Variants in ECM2 observed in about 807,000 individuals in gnomAD.
ECM2 encodes the protein extracellular matrix protein 2, female organ and adipocyte specific.
ECM2 carries 57 observed loss-of-function variants against 67.5 expected under a neutral mutation model. The observed-to-expected ratio is 0.84, with a 90% CI of 0.68 to 1.05. ECM2 has a LOEUF of 1.05. Ranked by LOEUF, ECM2 falls within the 50% of genes least tolerant of loss-of-function variation. The pLI is 0.00. For synonymous variants in ECM2, 258 were observed against 294.5 expected, an observed-to-expected ratio of 0.88 and a Z score of 1.27; for missense variants, 741 against 822.8, an observed-to-expected ratio of 0.90 and a Z score of 1.22.
the ECM2 span, among the ~76,000 whole-genome samples, chr9:92,551,977 G>A: frequency 0.015 from 941 of 61,620 alleles, 66 homozygotes; most frequent in African/African-American, 0.14. Flanking sequence ...TGATATATAT[G>A]TGTGTGTATA....
rs775521249 is a variant in ECM2 at position 92,500,925 on chromosome 9, T to C, written c.1733A>G (p.His578Arg). 6.2e-7 allele frequency: 1 copy of C among 1,614,208 alleles called. No individual in the cohort carries two copies. The highest frequency in any genetic ancestry group is 8.5e-7 in the Non-Finnish European group (1 of 1,180,034). Residue 578 changes from histidine (H) to arginine (R), a missense_variant, in exon 9 of 10, where the codon CAC becomes CGC. Coordinates refer to ENST00000344604, the MANE Select transcript of ECM2 (RefSeq NM_001393.4). ...CAAGTATTCCAGGCCTGGTTCCATG[T>C]GGCCAAACACATAGCCAGGGATCCG... ...IERIPGYVFG[H>R]MEPGLEYLYL...
At chr9:92,556,770 G>C in the ECM2 span, among the ~76,000 whole-genome samples, 1 of 152,202 alleles carries the variant, frequency 6.6e-6, no homozygotes, top group Non-Finnish European at 1.5e-5. Flanking sequence ...TAGTTGGTTA[G>C]TGAGTCCTTA....
chr9:92,507,416 A>G (rs1054910563), intron 6 of ECM2, among the ~76,000 whole-genome samples: 1 of 152,246 alleles, frequency 6.6e-6, no homozygotes, highest in Admixed American at 6.5e-5. Context: ...ACTGAGAGAA[A>G]AAGAGAGAAA....
chr9:92,516,064 CT>C lies in ECM2; in HGVS notation c.482-862del, dbSNP rs869200958. On this transcript the variant is annotated intron_variant, in intron 3 of 9. Transcript: ENST00000344604. ...GGAAGAACTGATTTCACAGTGCATA[CT>C]TTTTTTTCCCCCCCCCGAGACGGAG... Among the ~76,000 whole-genome samples, 621 of 148,868 alleles carry C rather than the reference CT, an allele frequency of 4.2e-3. 9 individuals carry two copies. Among genetic ancestry groups the C allele is most frequent in the East Asian group, 7.8e-3 (40 of 5,152 alleles).
At chr9:92,519,251 G>A (rs1276986371) in intron 2 of ECM2, among the ~76,000 whole-genome samples, 4 of 152,104 alleles carry the variant, frequency 2.6e-5, no homozygotes, top group African/African-American at 9.7e-5. Flanking sequence ...TTTCTTCCAG[G>A]TTATCAAAAG....
At chr9:92,544,874 C>T in the ECM2 span, among the ~76,000 whole-genome samples, 1,270 of 152,152 alleles carry the variant, frequency 8.3e-3, 32 homozygotes, top group African/African-American at 0.029. Context: ...TGCCACCACA[C>T]CCAGCTAAAT....
intron 2 of ECM2, among the ~76,000 whole-genome samples, 199 bp downstream of exon 2, chr9:92,522,376 G>A (rs1170292043): frequency 3.9e-5 from 6 of 152,006 alleles, no homozygotes; most frequent in African/African-American, 9.7e-5. Context: ...GTGAGCCACC[G>A]CGCCTGGCCC....
chr9:92,547,731 T>G, the ECM2 span, among the ~76,000 whole-genome samples: 1 of 152,218 alleles, frequency 6.6e-6, no homozygotes, highest in Non-Finnish European at 1.5e-5. Flanking sequence ...CTAAAAATAG[T>G]AGTGATGGCC....
intron 1 of ECM2, among the ~76,000 whole-genome samples, chr9:92,530,189 C>T (rs902146239): frequency 3.9e-5 from 6 of 152,050 alleles, no homozygotes; most frequent in Admixed American, 6.6e-5. Flanking sequence ...TACCAAGGGA[C>T]GACAGTACTA....
upstream of ECM2, among the ~76,000 whole-genome samples, chr9:92,540,110 A>G (rs953453015): frequency 2.0e-5 from 3 of 152,238 alleles, no homozygotes; most frequent in African/African-American, 4.8e-5. Flanking sequence ...TCCAATACTG[A>G]TAGTTTGATA....
intron 4 of ECM2, among the ~76,000 whole-genome samples, chr9:92,514,111 T>A (rs971952846): frequency 4.8e-5 from 7 of 147,204 alleles, no homozygotes; most frequent in Non-Finnish European, 1.0e-4. Flanking sequence ...CACAGAGCAA[T>A]GAGAATCGTT....
chr9:92,522,497 C>G, intron 2 of ECM2, 78 bp downstream of exon 2: 2 of 1,330,886 alleles, frequency 1.5e-6, no homozygotes, highest in Non-Finnish European at 2.0e-6. Flanking sequence ...CTCCCTCTCT[C>G]CCTCTCTCCT....
At chr9:92,497,375 A>C (rs907025159) in intron 9 of ECM2, among the ~76,000 whole-genome samples, 1 of 152,242 alleles carries the variant, frequency 6.6e-6, no homozygotes, top group Non-Finnish European at 1.5e-5. Context: ...CTGTCATCCC[A>C]GCACTTTGGG....
At chr9:92,542,500 T>C in the ECM2 span, among the ~76,000 whole-genome samples, 1 of 127,512 alleles carries the variant, frequency 7.8e-6, no homozygotes, top group Non-Finnish European at 1.6e-5. Flanking sequence ...CTATGTTTTC[T>C]TTTCTTTCTT....
chr9:92,535,726 ATAATT>A (rs1849129902), intron 1 of ECM2, among the ~76,000 whole-genome samples: 1 of 152,182 alleles, frequency 6.6e-6, no homozygotes. Flanking sequence ...ACATATAAAA[ATAATT>A]TAATACTAAG....
intron 6 of ECM2, among the ~76,000 whole-genome samples, chr9:92,506,994 G>A (rs1322593271): frequency 1.3e-5 from 2 of 152,040 alleles, no homozygotes; most frequent in African/African-American, 4.8e-5. Flanking sequence ...TGCAACCTCC[G>A]CCTCCCGGGT....
chr9:92,546,663 A>G, the ECM2 span, among the ~76,000 whole-genome samples: 8 of 152,308 alleles, frequency 5.3e-5, no homozygotes, highest in African/African-American at 1.7e-4. Context: ...TAAGAACTGT[A>G]ACACTCACCG....
the ECM2 span, among the ~76,000 whole-genome samples, chr9:92,548,533 G>A: frequency 1.3e-5 from 2 of 151,898 alleles, no homozygotes; most frequent in Non-Finnish European, 2.9e-5. Flanking sequence ...CTATCAGATT[G>A]GAAATATATT....
the ECM2 span, among the ~76,000 whole-genome samples, chr9:92,553,175 C>A: frequency 1.3e-5 from 2 of 152,102 alleles, no homozygotes; most frequent in African/African-American, 4.8e-5. Flanking sequence ...GTTGTCCTTT[C>A]CCCACTTTAT....
Sources: gnomAD v4.1 joint callset for allele counts (sites outside exome capture counted in the v4.1 genomes callset) on GRCh38, gnomAD v4.1.1 for gene constraint, MANE v1.5 for transcripts, NCBI Gene and HGNC (gene_info 2026-07-23, HGNC 2026-07-21) for gene names.